The following ZC3H12B variants were observed in gnomAD, a reference collection of about 807,000 sequenced individuals.
The protein encoded by ZC3H12B is probable ribonuclease ZC3H12B.
A neutral mutation model predicts 43.9 loss-of-function variants in ZC3H12B; 7 were observed. That is an observed-to-expected ratio of 0.16 (90% CI 0.09 to 0.30). The LOEUF is 0.30. Ranked by LOEUF, ZC3H12B falls within the 10% of genes least tolerant of loss-of-function variation. ZC3H12B has a pLI of 1.00. For synonymous variants in ZC3H12B, 222 were observed against 241.7 expected (o/e 0.92, Z 0.76); for missense variants, 475 against 670.2 (o/e 0.71, Z 3.22).
the ZC3H12B span, among the ~76,000 whole-genome samples, chrX:65,082,860 A>T: frequency 9.0e-6 from 1 of 111,478 alleles, no homozygotes; most frequent in Non-Finnish European, 1.9e-5. Flanking sequence ...AATCCTCAAT[A>T]AACTCTAGCA....
chrX:65,177,775 G>C, the ZC3H12B span, among the ~76,000 whole-genome samples: 12 of 112,071 alleles, frequency 1.1e-4, no homozygotes, highest in Non-Finnish European at 2.1e-4. Context: ...AAATAAGAGA[G>C]GACACAAACA....
At chrX:65,189,258 C>T in the ZC3H12B span, among the ~76,000 whole-genome samples, 5 of 100,295 alleles carry the variant, frequency 5.0e-5, no homozygotes, top group South Asian at 4.8e-4. Flanking sequence ...AATAAACATA[C>T]GTGTGCATGT....
the ZC3H12B span, among the ~76,000 whole-genome samples, chrX:65,148,589 A>C: frequency 9.0e-6 from 1 of 110,890 alleles, no homozygotes; most frequent in Non-Finnish European, 1.9e-5. Flanking sequence ...GTTAGGACAG[A>C]CCCAGTTCTG....
At chrX:65,370,388 C>T (rs778729447) in intron 2 of ZC3H12B, among the ~76,000 whole-genome samples, 92 of 111,194 alleles carry the variant, frequency 8.3e-4, no homozygotes, top group African/African-American at 2.9e-3. Context: ...TCAGTTTTCT[C>T]ATCTGTAACA....
the ZC3H12B span, among the ~76,000 whole-genome samples, chrX:65,226,811 C>A: frequency 9.0e-6 from 1 of 111,612 alleles, no homozygotes; most frequent in Non-Finnish European, 1.9e-5. Context: ...GTAAAGGGAT[C>A]AATGCAACCA....
the ZC3H12B span, among the ~76,000 whole-genome samples, chrX:65,267,893 G>T: frequency 2.7e-5 from 3 of 111,531 alleles, no homozygotes; most frequent in Non-Finnish European, 3.8e-5. Flanking sequence ...TAAACCTAAA[G>T]TTAGCAGAAG....
the ZC3H12B span, among the ~76,000 whole-genome samples, chrX:65,169,229 TTGTG>T: frequency 1.8e-5 from 2 of 112,141 alleles, no homozygotes; most frequent in Admixed American, 9.5e-5. Flanking sequence ...TTCTGGTATG[TTGTG>T]TCTTTGTACT....
chrX:65,242,132 G>T, the ZC3H12B span, among the ~76,000 whole-genome samples: 1 of 110,641 alleles, frequency 9.0e-6, no homozygotes, highest in Non-Finnish European at 1.9e-5. Context: ...TGCCACTCCC[G>T]GGTGGGCTAT....
the ZC3H12B span, among the ~76,000 whole-genome samples, chrX:65,255,319 C>A: frequency 9.0e-6 from 1 of 111,488 alleles, no homozygotes; most frequent in African/African-American, 3.3e-5. Flanking sequence ...AGGCTGGTCA[C>A]CAGCAAAGGG....
chrX:65,349,983 G>A, the ZC3H12B span, among the ~76,000 whole-genome samples: 1 of 111,976 alleles, frequency 8.9e-6, no homozygotes, highest in Admixed American at 9.4e-5. Flanking sequence ...TAGAAAAAGA[G>A]GGAATCCTCC....
chrX:65,089,953 T>G, the ZC3H12B span, among the ~76,000 whole-genome samples: 11 of 111,742 alleles, frequency 9.8e-5, no homozygotes, highest in African/African-American at 3.6e-4. Flanking sequence ...TGCCTTCTTC[T>G]GGAATGCCTT....
At chrX:65,162,921 A>T in the ZC3H12B span, among the ~76,000 whole-genome samples, 1 of 111,407 alleles carries the variant, frequency 9.0e-6, no homozygotes, top group Non-Finnish European at 1.9e-5. Context: ...TTCTTTGATG[A>T]TGGTGATGCA....
At chrX:65,461,417 G>A (rs943534672) in intron 3 of ZC3H12B, among the ~76,000 whole-genome samples, 10 of 112,087 alleles carry the variant, frequency 8.9e-5, no homozygotes, top group African/African-American at 3.2e-4. Flanking sequence ...GTTTATTGTG[G>A]CACTATTCAG....
At chrX:65,054,474 G>T in the ZC3H12B span, among the ~76,000 whole-genome samples, 2 of 111,718 alleles carry the variant, frequency 1.8e-5, no homozygotes, top group Admixed American at 1.9e-4. Flanking sequence ...CTATATCTCT[G>T]TTTTGGTTAC....
At chrX:65,196,431 G>GT in the ZC3H12B span, among the ~76,000 whole-genome samples, 1 of 111,384 alleles carries the variant, frequency 9.0e-6, no homozygotes, top group Non-Finnish European at 1.9e-5. Flanking sequence ...TCAAGCTGAG[G>GT]TTTTATCATG....
chrX:65,368,931 C>T (rs762862547), exon 2 of ZC3H12B: 80 of 111,800 alleles, frequency 7.2e-4, no homozygotes, highest in African/African-American at 2.3e-3. Flanking sequence ...GGACTACAGG[C>T]CTCCAAAGAA....
chrX:65,100,190 A>G, the ZC3H12B span, among the ~76,000 whole-genome samples: 1 of 111,492 alleles, frequency 9.0e-6, no homozygotes, highest in African/African-American at 3.3e-5. Context: ...TAGAGAAAAA[A>G]GAATGAAAAG....
At chrX:65,347,618 A>T in the ZC3H12B span, among the ~76,000 whole-genome samples, 1 of 112,129 alleles carries the variant, frequency 8.9e-6, no homozygotes, top group Admixed American at 9.4e-5. Context: ...AGAAATAGGA[A>T]CACTTTTACA....
chrX:65,188,961 C>A, the ZC3H12B span, among the ~76,000 whole-genome samples: 7 of 74,453 alleles, frequency 9.4e-5, no homozygotes, highest in African/African-American at 2.5e-4. Flanking sequence ...CCCACCCCAC[C>A]ACAGTCCCCA....
Sources: allele counts gnomAD v4.1 joint callset (sites outside exome capture counted in the v4.1 genomes callset), GRCh38; gene constraint gnomAD v4.1.1; transcripts MANE v1.5; gene names NCBI Gene and HGNC (gene_info 2026-07-23, HGNC 2026-07-21).